ZC3H14: variants seen among roughly 807,000 people sequenced by gnomAD.
ZC3H14 encodes zinc finger CCCH domain-containing protein 14.
In ZC3H14, 31 loss-of-function variants were observed where a neutral mutation model predicts 92.4. The ratio of observed to expected loss-of-function variants is 0.34; its 90% CI spans 0.25 to 0.45. The LOEUF (loss-of-function observed/expected upper bound fraction) is 0.45. Ranked by LOEUF, ZC3H14 falls within the 20% of genes least tolerant of loss-of-function variation. ZC3H14 has a pLI of 1.00. For missense variants in ZC3H14, 781 were observed against 897.3 expected, an observed-to-expected ratio of 0.87 and a Z score of 1.66; for synonymous variants, 321 against 300.9, an observed-to-expected ratio of 1.07 and a Z score of -0.69.
intron 4 of ZC3H14, 49 bp downstream of exon 4, chr14:88,571,173 A>G: frequency 6.7e-7 from 1 of 1,496,122 alleles, no homozygotes; most frequent in Non-Finnish European, 9.1e-7. Context: ...ATGGCATATG[A>G]TTTGTTTCTT....
intron 3 of ZC3H14, among the ~76,000 whole-genome samples, chr14:88,569,941 C>T (rs1389591858): frequency 6.6e-6 from 1 of 152,146 alleles, no homozygotes; most frequent in Non-Finnish European, 1.5e-5. Context: ...AGGTTATTCC[C>T]TCCCAGCCCC....
Position 88,578,099 on chromosome 14 carries a change from A to G in ZC3H14, c.1238A>G (p.Lys413Arg), listed in dbSNP as rs766187266. ...ACCCCCAGAATAAGTCCCCCCATTA[A>G]AGAAGAGGAAACAAAAGGAGATTCT... ...SRTPRISPPI[K>R]EEETKGDSVE... is the part of the protein sequence containing the mutation. The change falls in exon 9 of 17, where the codon AAA becomes AGA. Residue 413 changes from lysine to arginine, a missense_variant. This residue lies in a region of ZC3H14 where 454 missense variants were observed against 438.5 expected (regional missense o/e 1.04). Transcript: ENST00000251038. 2 of 1,614,044 alleles carry G rather than the reference A, an allele frequency of 1.2e-6. No individual in the cohort carries two copies. The highest frequency in any genetic ancestry group is 1.7e-6 in the Non-Finnish European group (2 of 1,180,026).
At position 88,621,421 on chromosome 14, in the gene ZC3H14, G is replaced by C. The variant is rs937476489; in HGVS notation, c.*9670G>C. 4.4e-6 allele frequency: 5 copies of C among 1,148,684 alleles called. No individual in the cohort carries two copies. Among genetic ancestry groups the C allele is most frequent in the Admixed American group, 1.9e-5 (1 of 52,204 alleles). The allele number at this position is 1,148,684 out of a possible 1,614,324, so 71.2% of individuals were successfully genotyped here. The stretch of plus-strand genomic sequence containing the variant: ...GAACTTTTTGCTTTGAGCTAATCTA[G>C]TAGCAAGGCAGTCATTAGCTCATGC... On this transcript the variant is annotated 3_prime_UTR_variant, in exon 17 of 17. Transcript: ENST00000251038.
chr14:88,580,610 T>C (rs1284677667), intron 9 of ZC3H14, among the ~76,000 whole-genome samples: 1 of 152,118 alleles, frequency 6.6e-6, no homozygotes, highest in Non-Finnish European at 1.5e-5. Flanking sequence ...ATACAGTGTT[T>C]TTATAGTAGG....
At chr14:88,564,962 C>T (rs1312955782) in intron 2 of ZC3H14, among the ~76,000 whole-genome samples, 1 of 152,084 alleles carries the variant, frequency 6.6e-6, no homozygotes, top group Admixed American at 6.6e-5. Flanking sequence ...GGATATTTGG[C>T]AGATATTTAC....
At chr14:88,566,701 C>T (rs1287501549) in intron 2 of ZC3H14, among the ~76,000 whole-genome samples, 1 of 152,076 alleles carries the variant, frequency 6.6e-6, no homozygotes, top group African/African-American at 2.4e-5. Flanking sequence ...GGGTGGATCA[C>T]TTGAGGTCAG....
At chr14:88,582,714 A>G (rs1474059587) in intron 9 of ZC3H14, among the ~76,000 whole-genome samples, 2 of 152,146 alleles carry the variant, frequency 1.3e-5, no homozygotes, top group Non-Finnish European at 2.9e-5. Context: ...AAAGGGGATA[A>G]TTGAAATGGT....
chr14:88,600,967 G>A (rs112375560), intron 10 of ZC3H14, among the ~76,000 whole-genome samples: 9 of 152,104 alleles, frequency 5.9e-5, no homozygotes, highest in East Asian at 1.9e-4. Context: ...TGCTGTGTTC[G>A]TTTCTCCGAG....
intron 9 of ZC3H14, among the ~76,000 whole-genome samples, chr14:88,579,140 A>G (rs946712907): frequency 1.3e-5 from 2 of 152,126 alleles, no homozygotes; most frequent in African/African-American, 4.8e-5. Context: ...AGAACCTTGG[A>G]ATATATTTTT....
At chr14:88,571,962 CAAAA>C (rs2080471284) in intron 4 of ZC3H14, 64 bp from the exon 5 acceptor site, 3 of 1,290,378 alleles carry the variant, frequency 2.3e-6, no homozygotes, top group Non-Finnish European at 2.1e-6. Flanking sequence ...GACTCCATCT[CAAAA>C]ATAAATAAAT....
intron 3 of ZC3H14, among the ~76,000 whole-genome samples, chr14:88,569,017 C>G (rs1408521038): frequency 6.6e-6 from 1 of 152,062 alleles, no homozygotes; most frequent in Non-Finnish European, 1.5e-5. Flanking sequence ...CCTTCCTGAA[C>G]TCCCATGCCT....
chr14:88,607,330 A>G lies in ZC3H14; in HGVS notation c.1835A>G (p.Glu612Gly), dbSNP rs780383717. 2.5e-6 allele frequency: 4 copies of G among 1,613,842 alleles called. No individual in the cohort carries two copies. The South Asian group carries it at 4.4e-5, about 18-fold the overall frequency. The change falls in exon 13 of 17, where the codon GAG becomes GGG. Residue 612 changes from glutamate (E) to glycine (G), a missense_variant. By Grantham distance (98) the Glu-to-Gly change is moderately conservative (BLOSUM62 -2). This residue lies in a region of ZC3H14 where 221 missense variants were observed against 304.7 expected (regional missense o/e 0.73). Coordinates refer to ENST00000251038, the MANE Select transcript of ZC3H14 (RefSeq NM_024824.5). ...KYWPACKNGD[E>G]CAYHHPISPC... ...TGGCCTGCTTGTAAAAATGGGGATG[A>G]GTGTGCCTACCATCACCCCATCTCA...
chr14:88,600,535 G>T (rs537954300), intron 10 of ZC3H14, among the ~76,000 whole-genome samples: 3 of 151,326 alleles, frequency 2.0e-5, no homozygotes, highest in Non-Finnish European at 2.9e-5. Flanking sequence ...TTGACCTCCT[G>T]GGCCCAAGCA....
rs1402292536 is a variant in ZC3H14 at position 88,596,753 on chromosome 14, A to G, written c.1299A>G (p.Leu433=). The change falls in exon 10 of 17, where the codon TTA becomes TTG. Residue 433 remains leucine, a synonymous_variant. Coordinates refer to ENST00000251038, the MANE Select transcript of ZC3H14 (RefSeq NM_024824.5). ...TTCTAGGAACTCAACAGAGGCAATT[A>G]TTATCCCGACTGCAAATCGACCCAG... ...EKNQGTQQRQ[L]LSRLQIDPVM... 3.7e-6 allele frequency: 6 copies of G among 1,614,056 alleles called. No individual in the cohort carries two copies. Among genetic ancestry groups the G allele is most frequent in the Middle Eastern group, 1.7e-4 (1 of 6,060 alleles).
In ZC3H14 at chr14:88,616,052, A is replaced by C; in HGVS notation, c.*4301A>C. On this transcript the variant is annotated 3_prime_UTR_variant, in exon 17 of 17. Coordinates refer to ENST00000251038, the MANE Select transcript of ZC3H14 (RefSeq NM_024824.5). ...ACCTTCTACTAATGTTGACTAGCTG[A>C]TTTCATAAACCAAAGCTGTAGGAGT... 2 of 1,421,304 alleles carry C rather than the reference A, an allele frequency of 1.4e-6. No homozygotes were observed. The highest frequency in any genetic ancestry group is 2.8e-5 in the African/African-American group (2 of 70,848). The allele number at this position is 1,421,304 out of a possible 1,614,324, so 88.0% of individuals were successfully genotyped here. A position where few individuals can be genotyped will look rare whatever the true frequency, so the allele number is the denominator to read the frequency against.
intron 9 of ZC3H14, among the ~76,000 whole-genome samples, chr14:88,585,295 T>C (rs1164555437): frequency 6.6e-6 from 1 of 152,184 alleles, no homozygotes; most frequent in African/African-American, 2.4e-5. Context: ...TTTTTAAGGT[T>C]CATTAATTAC....
intron 9 of ZC3H14, among the ~76,000 whole-genome samples, chr14:88,594,209 T>G (rs2083504753): frequency 6.6e-6 from 1 of 152,212 alleles, no homozygotes; most frequent in South Asian, 2.1e-4. Flanking sequence ...ATGGTTTAGA[T>G]GATGAAAAGG....
At chr14:88,602,783 GTGTT>G in intron 11 of ZC3H14, 41 bp from the exon 12 acceptor site, 2 of 1,597,698 alleles carry the variant, frequency 1.3e-6, no homozygotes, top group Non-Finnish European at 1.7e-6. Flanking sequence ...TCAGCGTTTT[GTGTT>G]TGTTTCCCTA....
At chr14:88,581,829 A>G (rs2081946371) in intron 9 of ZC3H14, among the ~76,000 whole-genome samples, 1 of 152,246 alleles carries the variant, frequency 6.6e-6, no homozygotes, top group African/African-American at 2.4e-5. Context: ...TCATAATGAC[A>G]TTTTAAAAAA....
Sources: gnomAD v4.1 joint callset for allele counts (sites outside exome capture counted in the v4.1 genomes callset) on GRCh38, gnomAD v4.1.1 for gene constraint, gnomAD v4.1.1 regional missense constraint, MANE v1.5 for transcripts, NCBI Gene and HGNC (gene_info 2026-07-23, HGNC 2026-07-21) for gene names.